PRR14L: variants seen among roughly 807,000 people sequenced by gnomAD.
The protein encoded by PRR14L is proline rich 14 like.
A neutral mutation model predicts 155.0 loss-of-function variants in PRR14L; 80 were observed. The ratio of observed to expected loss-of-function variants is 0.52; its 90% CI spans 0.43 to 0.62. PRR14L has a LOEUF of 0.62. PRR14L is among the 20% of genes least tolerant of loss of function. The pLI, the probability that PRR14L is intolerant of heterozygous loss-of-function variation, is 0.00. For missense variants in PRR14L, 2,469 were observed against 2,548.0 expected, an observed-to-expected ratio of 0.97 and a Z score of 0.67; for synonymous variants, 883 against 916.0, an observed-to-expected ratio of 0.96 and a Z score of 0.65.
At chr22:31,744,698 T>G (rs924055593) in intron 1 of PRR14L, among the ~76,000 whole-genome samples, 5 of 152,214 alleles carry the variant, frequency 3.3e-5, no homozygotes, top group South Asian at 2.1e-4. Context: ...ACTTGCAGCC[T>G]GTGGACTCAA....
intron 2 of PRR14L, among the ~76,000 whole-genome samples, chr22:31,727,980 GAAAAA>G (rs131242): frequency 7.1e-5 from 9 of 125,978 alleles, no homozygotes; most frequent in African/African-American, 2.6e-4. Context: ...CACTGTCTCA[GAAAAA>G]AAAAAAAAAG....
chr22:31,718,802 G>C (rs1360034578), intron 3 of PRR14L, among the ~76,000 whole-genome samples: 1 of 152,066 alleles, frequency 6.6e-6, no homozygotes, highest in Non-Finnish European at 1.5e-5. Flanking sequence ...GGCCAGGCAT[G>C]GTGGCTCATG....
In PRR14L at chr22:31,716,650, C is replaced by T. The variant is rs774366318; in HGVS notation, c.1189G>A (p.Glu397Lys). 1.8e-5 allele frequency: 28 copies of T among 1,551,946 alleles called. No homozygotes were observed. In the African/African-American group the frequency reaches 3.7e-4, roughly 20 times the overall value. Residue 397 changes from glutamate to lysine, a missense_variant, in exon 4 of 9, where the codon GAA (glutamate) becomes AAA (lysine). Transcript: ENST00000327423. ...DQGKNLASRE[E>K]NEERLLIPRS... ...GGAATCAAAAGCCGTTCCTCATTTT[C>T]TTCTCTAGAAGCCAAGTTCTTCCCT...
rs994333063 is a variant in PRR14L, at chr22:31,682,919, C to A, written c.*2608G>T. 30 of 152,180 alleles carry A rather than the reference C, an allele frequency of 2.0e-4. No individual in the cohort carries two copies. Among genetic ancestry groups the A allele is most frequent in the African/African-American group, 7.2e-4 (30 of 41,434 alleles). The allele number at this position is 152,180 out of a possible 1,614,324, so 9.4% of individuals were successfully genotyped here. A position where few individuals can be genotyped will look rare whatever the true frequency, so the allele number is the denominator to read the frequency against. ...TGACAACACTGCAGCTGGCTCAGTG[C>A]CGAAACTGAATGTTAAGACAGGTGT... is the stretch of plus-strand genomic sequence containing the variant. On this transcript the variant is annotated 3_prime_UTR_variant, in exon 9 of 9. Coordinates refer to ENST00000327423, the MANE Select transcript of PRR14L (RefSeq NM_173566.3).
In PRR14L at chr22:31,716,735, A is replaced by G; in HGVS notation, c.1104T>C (p.Gly368=). ...TCTTTTCAGCAGATCTCTTTAGCAA[A>G]CCACCACCTTCAAAACCACAGTTTT... ...SLENCGFEGG[G]LLKRSAEKTD... is the part of the protein sequence containing the mutation. The change falls in exon 4 of 9, where the codon GGT becomes GGC. Residue 368 remains glycine, a synonymous_variant. Coordinates refer to ENST00000327423, the MANE Select transcript of PRR14L (RefSeq NM_173566.3). 1 of 1,551,818 alleles carries G rather than the reference A, an allele frequency of 6.4e-7. No individual in the cohort carries two copies. Among genetic ancestry groups the G allele is most frequent in the Non-Finnish European group, 8.7e-7 (1 of 1,146,998 alleles).
At chr22:31,717,351 T>G in intron 3 of PRR14L, 60 bp from the exon 4 acceptor site, 5 of 1,320,524 alleles carry the variant, frequency 3.8e-6, no homozygotes, top group Non-Finnish European at 5.1e-6. Context: ...TTGGTCTACC[T>G]TCATGCATTT....
At chr22:31,698,399 A>G (rs2074545895) in intron 7 of PRR14L, among the ~76,000 whole-genome samples, 1 of 152,040 alleles carries the variant, frequency 6.6e-6, no homozygotes, top group Non-Finnish European at 1.5e-5. Context: ...TGGTTTGTCC[A>G]ATATACTTTT....
rs1030149568 is a variant in PRR14L at position 31,713,800 on chromosome 22, C to G, written c.4039G>C (p.Gly1347Arg). 1.3e-6 allele frequency: 2 copies of G among 1,552,212 alleles called. No individual in the cohort carries two copies. The highest frequency in any genetic ancestry group is 1.7e-6 in the Non-Finnish European group (2 of 1,147,146). ...GATTGCTCCCCAACAGTTAAGTAAC[C>G]CAGTCGTCCCCTCTGATGCTCTTCG... ...ETEEHQRGRL[G>R]YLTVGEQSEE... Residue 1347 changes from glycine (G) to arginine (R), a missense_variant, in exon 4 of 9, where the codon GGT becomes CGT. Coordinates refer to ENST00000327423, the MANE Select transcript of PRR14L (RefSeq NM_173566.3).
Position 31,713,750 on chromosome 22 carries a change from A to C in PRR14L, c.4089T>G (p.Thr1363=). 6.4e-7 allele frequency: 1 copy of C among 1,552,362 alleles called. No individual in the cohort carries two copies. Among genetic ancestry groups the C allele is most frequent in the South Asian group, 1.2e-5 (1 of 84,060 alleles). The part of the protein sequence containing the change: ...EQSEELVTRE[T]GDGDPVSNIS... ...TGTTGCTCACGGGATCGCCATCGCC[A>C]GTTTCTCTGGTAACCAACTCCTCAG... Residue 1363 remains threonine (T), a synonymous_variant, in exon 4 of 9, where the codon ACT becomes ACG. Coordinates refer to ENST00000327423, the MANE Select transcript of PRR14L (RefSeq NM_173566.3).
chr22:31,704,297 A>C (rs1442230958), intron 5 of PRR14L: 2 of 170,404 alleles, frequency 1.2e-5, no homozygotes, highest in Non-Finnish European at 2.5e-5. Context: ...TGGGTGAGGA[A>C]GATATCTGGT....
chr22:31,712,225 T>C lies in PRR14L; in HGVS notation c.5614A>G (p.Lys1872Glu). 1 of 1,614,112 alleles carries C rather than the reference T, an allele frequency of 6.2e-7. No individual in the cohort carries two copies. Among genetic ancestry groups the C allele is most frequent in the South Asian group, 1.1e-5 (1 of 91,074 alleles). Residue 1872 changes from lysine (K) to glutamate (E), a missense_variant, in exon 4 of 9, where the codon AAG becomes GAG. By Grantham distance (56) the Lys-to-Glu change is moderately conservative. Coordinates refer to ENST00000327423, the MANE Select transcript of PRR14L (RefSeq NM_173566.3). ...GLRSPASIAD[K>E]VFCSLPYSVG... Reference sequence around the variant, plus strand: ...GAGTAGGGCAGAGAACAGAAGACCTTGTCTGCTATGGAGGCTGGAGACCGT... The same window carrying C: ...GAGTAGGGCAGAGAACAGAAGACCTCGTCTGCTATGGAGGCTGGAGACCGT...
chr22:31,719,278 T>C (rs1381259546), intron 3 of PRR14L, among the ~76,000 whole-genome samples: 1 of 151,264 alleles, frequency 6.6e-6, no homozygotes, highest in Non-Finnish European at 1.5e-5. Flanking sequence ...CTGAGCATGG[T>C]GGTGTGTGCC....
intron 5 of PRR14L, 129 bp downstream of exon 5, chr22:31,704,526 T>C (rs1462430695): frequency 1.3e-5 from 7 of 547,566 alleles, no homozygotes; most frequent in East Asian, 3.1e-5. Flanking sequence ...CTGAGAGACA[T>C]AGATCAGGTT....
At chr22:31,731,928 A>G (rs890610987) in intron 2 of PRR14L, among the ~76,000 whole-genome samples, 6 of 152,070 alleles carry the variant, frequency 3.9e-5, no homozygotes, top group Non-Finnish European at 7.4e-5. Context: ...TATAGTTTCT[A>G]TTCAGCTTTG....
At chr22:31,730,006 G>A (rs1303216505) in intron 2 of PRR14L, among the ~76,000 whole-genome samples, 1 of 151,738 alleles carries the variant, frequency 6.6e-6, no homozygotes, top group Non-Finnish European at 1.5e-5. Context: ...AATTAGGCAG[G>A]AATGGTGTTG....
chr22:31,735,348 G>A (rs1188311303), intron 2 of PRR14L, among the ~76,000 whole-genome samples: 3 of 152,094 alleles, frequency 2.0e-5, no homozygotes, highest in Non-Finnish European at 4.4e-5. Context: ...GGCTGAGGCA[G>A]GAGAATGGCA....
At chr22:31,737,887 T>C (rs1422640317) in intron 2 of PRR14L, among the ~76,000 whole-genome samples, 1 of 151,870 alleles carries the variant, frequency 6.6e-6, no homozygotes, top group Non-Finnish European at 1.5e-5. Context: ...TGGTGGCTTA[T>C]ACCATAATCA....
At chr22:31,696,679 ATTC>A (rs2147855028) in intron 7 of PRR14L, among the ~76,000 whole-genome samples, 1 of 152,300 alleles carries the variant, frequency 6.6e-6, no homozygotes, top group Admixed American at 6.5e-5. Context: ...CCCATCCTGA[ATTC>A]TTCTTTGATA....
intron 4 of PRR14L, among the ~76,000 whole-genome samples, chr22:31,709,539 T>TG (rs2086977538): frequency 2.2e-5 from 3 of 137,774 alleles, no homozygotes; most frequent in Non-Finnish European, 4.7e-5. Flanking sequence ...TGGGGTTTTT[T>TG]TTTTTTTTTT....
Sources: gnomAD v4.1 joint callset for allele counts (sites outside exome capture counted in the v4.1 genomes callset) on GRCh38, gnomAD v4.1.1 for gene constraint, MANE v1.5 for transcripts, NCBI Gene and HGNC (gene_info 2026-07-23, HGNC 2026-07-21) for gene names.